SPG11: variants seen among roughly 807,000 people sequenced by gnomAD.
The protein encoded by SPG11 is SPG11 vesicle trafficking associated, spatacsin, also known as spatacsin.
Under a neutral mutation model 274.0 loss-of-function variants are expected in SPG11, and 222 were observed. The ratio of observed to expected loss-of-function variants is 0.81; its 90% CI spans 0.73 to 0.91. The LOEUF (loss-of-function observed/expected upper bound fraction) is 0.91, where lower values mean the gene tolerates loss of function less well. Ranked by LOEUF, SPG11 falls within the 40% of genes least tolerant of loss-of-function variation. The pLI is 0.00. For synonymous variants in SPG11, 1,144 were observed against 1,039.7 expected (o/e 1.10, Z -1.93); for missense variants, 3,114 against 2,872.7 (o/e 1.08, Z -1.92).
chr15:44,653,852 T>C (rs1792330152), intron 4 of SPG11, among the ~76,000 whole-genome samples: 1 of 152,078 alleles, frequency 6.6e-6, no homozygotes, highest in Non-Finnish European at 1.5e-5. Flanking sequence ...AGGTTTGAAC[T>C]CCATGGGTCC....
rs1454215159 is a variant in SPG11 at position 44,651,650 on chromosome 15, T to C, written c.1297A>G (p.Thr433Ala). The change falls in exon 6 of 40, where the codon ACA becomes GCA. Residue 433 changes from threonine (T) to alanine (A), a missense_variant. By Grantham distance (58) the Thr-to-Ala change is moderately conservative. Coordinates refer to ENST00000261866, the MANE Select transcript of SPG11 (RefSeq NM_025137.4). ...EPIELKCVSVTGFTALFTWEV... is the reference protein window; with the variant it reads ...EPIELKCVSVAGFTALFTWEV... ...CAAGTAAACAGTGCAGTGAATCCTG[T>C]CACAGACACACATTTAAGCTCTATG... is the stretch of plus-strand genomic sequence containing the variant. 1.2e-6 allele frequency: 2 copies of C among 1,614,246 alleles called. No individual in the cohort carries two copies. The highest frequency in any genetic ancestry group is 8.5e-7 in the Non-Finnish European group (1 of 1,180,034).
intron 7 of SPG11, among the ~76,000 whole-genome samples, chr15:44,637,547 C>A (rs1313573658): frequency 6.6e-6 from 1 of 152,168 alleles, no homozygotes; most frequent in African/African-American, 2.4e-5. Context: ...CTCCTGGCCT[C>A]AAGTGATCTG....
At chr15:44,651,450 A>G (rs1213052948) in intron 6 of SPG11, 41 bp downstream of exon 6, 2 of 1,557,642 alleles carry the variant, frequency 1.3e-6, no homozygotes, top group African/African-American at 2.7e-5. Context: ...GAAAGCATAC[A>G]TCTCAGCAAT....
chr15:44,607,372 C>T (rs915905861), intron 19 of SPG11, among the ~76,000 whole-genome samples: 1 of 152,180 alleles, frequency 6.6e-6, no homozygotes, highest in Non-Finnish European at 1.5e-5. Context: ...ACTTTCGCCT[C>T]CCAGGTTCAA....
At chr15:44,564,499 C>T (rs970744681) in intron 39 of SPG11, 48 bp downstream of exon 39, 1 of 1,603,544 alleles carries the variant, frequency 6.2e-7, no homozygotes, top group African/African-American at 1.3e-5. Flanking sequence ...TGTCTCACCT[C>T]AAAGCAGAGG....
At chr15:44,636,943 A>AAAAAAAAAAAAAAAC (rs1462868799) in intron 7 of SPG11, among the ~76,000 whole-genome samples, 17 of 116,100 alleles carry the variant, frequency 1.5e-4, no homozygotes, top group South Asian at 3.0e-4. Flanking sequence ...AAAAAAAAAA[A>AAAAAAAAAAAAAAAC]AAAAAAAAAA....
At position 44,563,432 on chromosome 15, in the gene SPG11, G is replaced by C. The variant is rs192456885; in HGVS notation, c.7152-131C>G. 3.8e-3 allele frequency: 2,796 copies of C among 744,434 alleles called. 12 individuals are homozygous for C. The highest frequency in any genetic ancestry group is 5.4e-3 in the Non-Finnish European group (2,360 of 438,074). The allele number at this position is 744,434 out of a possible 1,614,324, so 46.1% of individuals were successfully genotyped here. On this transcript the variant is annotated intron_variant, in intron 39 of 39. Transcript: ENST00000261866. Reference sequence around the variant, plus strand: ...TGGCTCACTGCAACCTCCACCTGCTGGGTTCAAGTGATTCTTGTGCCTCAG... The same window carrying C: ...TGGCTCACTGCAACCTCCACCTGCTCGGTTCAAGTGATTCTTGTGCCTCAG...
chr15:44,659,048 T>TA (rs759315763), intron 3 of SPG11, 31 bp downstream of exon 3: 1 of 1,597,998 alleles, frequency 6.3e-7, no homozygotes, highest in African/African-American at 1.3e-5. Flanking sequence ...CTCCTCTACG[T>TA]ATCAATCAAC....
Position 44,570,532 on chromosome 15 carries a change from C to T in SPG11, c.6470G>A (p.Gly2157Glu), listed in dbSNP as rs1437823754. 5 of 1,613,992 alleles carry T rather than the reference C, an allele frequency of 3.1e-6. No homozygotes were observed. Among genetic ancestry groups the T allele is most frequent in the Non-Finnish European group, 4.2e-6 (5 of 1,180,026 alleles). The stretch of plus-strand genomic sequence containing the variant: ...GTTGAGGGGGCTACTTACCACCAGC[C>T]CATACTCCTCACTGGGGGCCAGGTG... Reference protein sequence around the residue: ...DNHLAPSEEYGLVVRLLTGIG... With the variant: ...DNHLAPSEEYELVVRLLTGIG... Residue 2157 changes from glycine to glutamate, a missense_variant, in exon 34 of 40, where the codon GGG becomes GAG. Gly to Glu is a moderately conservative substitution (Grantham distance 98). Transcript: ENST00000261866.
intron 7 of SPG11, among the ~76,000 whole-genome samples, chr15:44,647,520 C>G (rs762417340): frequency 9.9e-5 from 15 of 152,140 alleles, no homozygotes; most frequent in Non-Finnish European, 1.6e-4. Flanking sequence ...ACCCAAATGT[C>G]CATCAGCTGA....
Position 44,620,322 on chromosome 15 carries a change from C to T in SPG11, c.2702G>A (p.Gly901Glu). 6.2e-7 allele frequency: 1 copy of T among 1,614,004 alleles called. No homozygotes were observed. The highest frequency in any genetic ancestry group is 1.3e-5 in the African/African-American group (1 of 75,004). The change falls in exon 15 of 40, where the codon GGA (glycine) becomes GAA (glutamate). Residue 901 changes from glycine to glutamate, a missense_variant. By Grantham distance (98) the Gly-to-Glu change is moderately conservative. Transcript: ENST00000261866. Reference protein sequence around the residue: ...HDWLNIILWIGEFQTQHSYAS... With the variant: ...HDWLNIILWIEEFQTQHSYAS... ...ATAACTATGCTGGGTTTGAAATTCT[C>T]CAATCCATAAGATAATGTTTAACCA...
rs527754217 is a variant in SPG11 at position 44,632,699 on chromosome 15, G to C, written c.1735+806C>G. The stretch of plus-strand genomic sequence containing the variant: ...ATTTTTAAAATTCTTTTGTAGAATG[G>C]GGTCTTGCTATGTTCCCCAGACTGG... On this transcript the variant is annotated intron_variant, in intron 8 of 39. Transcript: ENST00000261866. 4.6e-5 allele frequency among the ~76,000 whole-genome samples: 7 copies of C among 151,968 alleles called. No homozygotes were observed. The East Asian group carries it at 9.7e-4, about 21-fold the overall frequency.
intron 39 of SPG11, among the ~76,000 whole-genome samples, chr15:44,564,085 C>T (rs1344217763): frequency 6.6e-6 from 1 of 151,984 alleles, no homozygotes; most frequent in Non-Finnish European, 1.5e-5. Flanking sequence ...CCTCTGTCCC[C>T]AGGTTCAAGT....
At position 44,608,472 on chromosome 15, in the gene SPG11, G is replaced by C. The variant is rs201082396; in HGVS notation, c.3425C>G (p.Ser1142Cys). Residue 1142 changes from serine (S) to cysteine (C), a missense_variant, in exon 19 of 40, where the codon TCT becomes TGT. Physicochemically the swap from Ser to Cys is moderately radical, Grantham distance 112. Coordinates refer to ENST00000261866, the MANE Select transcript of SPG11 (RefSeq NM_025137.4). ...AATAAGGTGGTAGATTGTAATATCA[G>C]ATGGCAGGACACTAGGAGGAGTGCA... is the stretch of plus-strand genomic sequence containing the variant. ...PQCTPPSVLP[S>C]DITIYHLIQS... The C allele has an allele frequency of 9.0e-5, 146 of 1,614,142 alleles. No individual in the cohort carries two copies. The Middle Eastern group carries it at 2.5e-3, about 27-fold the overall frequency.
intron 15 of SPG11, among the ~76,000 whole-genome samples, chr15:44,617,201 C>T (rs903446895): frequency 6.6e-6 from 1 of 152,242 alleles, no homozygotes; most frequent in Non-Finnish European, 1.5e-5. Context: ...ACACCCTACA[C>T]TAAGGGTCAC....
At chr15:44,601,278 T>A (rs1044115525) in intron 20 of SPG11, among the ~76,000 whole-genome samples, 59 of 152,180 alleles carry the variant, frequency 3.9e-4, no homozygotes, top group African/African-American at 1.4e-3. Context: ...TTTTTTTTTT[T>A]AAGACAGGGT....
At chr15:44,588,294 CAA>C (rs200671861) in intron 28 of SPG11, among the ~76,000 whole-genome samples, 2 of 134,720 alleles carry the variant, frequency 1.5e-5, no homozygotes, top group African/African-American at 2.7e-5. Flanking sequence ...GAGGAATCTG[CAA>C]AAAAAAAAAC....
At chr15:44,579,319 G>GT (rs149717917) in intron 30 of SPG11, among the ~76,000 whole-genome samples, 6,115 of 151,804 alleles carry the variant, frequency 0.04, 315 homozygotes, top group East Asian at 0.19. Context: ...GCAGTCAGGC[G>GT]TTTGAGAGCA....
At chr15:44,638,181 G>A (rs978383652) in intron 7 of SPG11, among the ~76,000 whole-genome samples, 1 of 152,236 alleles carries the variant, frequency 6.6e-6, no homozygotes, top group Non-Finnish European at 1.5e-5. Context: ...GTAGATCTGA[G>A]CTGGGTGTGG....
Sources: allele counts gnomAD v4.1 joint callset (sites outside exome capture counted in the v4.1 genomes callset), GRCh38; gene constraint gnomAD v4.1.1; transcripts MANE v1.5; gene names NCBI Gene and HGNC (gene_info 2026-07-23, HGNC 2026-07-21).